ASIC2: variants seen among roughly 807,000 people sequenced by gnomAD.
ASIC2 encodes the protein acid sensing ion channel subunit 2, also known as acid-sensing ion channel 2.
Under a neutral mutation model 57.3 loss-of-function variants are expected in ASIC2, and 25 were observed. The observed-to-expected ratio is 0.44, with a 90% confidence interval of 0.32 to 0.61. The LOEUF (loss-of-function observed/expected upper bound fraction) is 0.61. Among genes scored for constraint, ASIC2 ranks in the 20% least tolerant of loss-of-function variants. ASIC2 has a pLI of 0.06. For synonymous variants in ASIC2, 319 were observed against 307.5 expected (o/e 1.04, Z -0.39); for missense variants, 641 against 738.1 (o/e 0.87, Z 1.52).
chr17:34,057,239 C>T (rs924135791), intron 1 of ASIC2, among the ~76,000 whole-genome samples: 4 of 152,136 alleles, frequency 2.6e-5, no homozygotes, highest in Non-Finnish European at 5.9e-5. Flanking sequence ...TTAAATATTC[C>T]AAAGACAAGT....
intron 1 of ASIC2, among the ~76,000 whole-genome samples, chr17:33,639,974 C>CTGTAACAGG (rs1906504096): frequency 6.6e-6 from 1 of 152,096 alleles, no homozygotes; most frequent in Non-Finnish European, 1.5e-5. Flanking sequence ...AAGGAAGTGA[C>CTGTAACAGG]TGTAACAGGG....
chr17:33,508,643 T>C (rs772424846), intron 1 of ASIC2, among the ~76,000 whole-genome samples: 40 of 152,120 alleles, frequency 2.6e-4, no homozygotes, highest in Non-Finnish European at 4.3e-4. Context: ...TCAGGTGGGG[T>C]ACACAGCACA....
At position 33,040,049 on chromosome 17, in the gene ASIC2, A is replaced by T. The variant is rs570512257; in HGVS notation, c.988-11657T>A. Among the ~76,000 whole-genome samples the T allele has an allele frequency of 3.3e-5, 5 of 152,338 alleles. No individual in the cohort carries two copies. In the East Asian group the frequency reaches 9.6e-4, roughly 29 times the overall value. On this transcript the variant is annotated intron_variant, in intron 3 of 9. Transcript: ENST00000225823. ...AGGAATTCCGAGGCTAGATGTTAAG[A>T]TATTTTTCTGCCTTGTTGTGTAACA... is the stretch of plus-strand genomic sequence containing the variant.
chr17:33,347,867 C>T (rs372388882), intron 1 of ASIC2, among the ~76,000 whole-genome samples: 9 of 152,170 alleles, frequency 5.9e-5, no homozygotes, highest in East Asian at 3.9e-4. Context: ...TTTGGGAGGC[C>T]GAGATGGGTG....
At chr17:34,113,655 A>C (rs1340089173) in intron 1 of ASIC2, among the ~76,000 whole-genome samples, 1 of 151,816 alleles carries the variant, frequency 6.6e-6, no homozygotes, top group Non-Finnish European at 1.5e-5. Context: ...AGGCAGGAGG[A>C]TCGCTTGAGC....
At chr17:33,298,272 C>G (rs151243296), upstream of ASIC2, among the ~76,000 whole-genome samples, 2 of 152,150 alleles carry the variant, frequency 1.3e-5, no homozygotes, top group East Asian at 3.9e-4. Flanking sequence ...CCACTTCCCC[C>G]ACCCCACGAC....
intron 1 of ASIC2, among the ~76,000 whole-genome samples, chr17:33,132,260 A>G (rs2092349276): frequency 6.6e-6 from 1 of 152,210 alleles, no homozygotes; most frequent in Non-Finnish European, 1.5e-5. Context: ...CTGTCTTTGA[A>G]TGATGGTTCT....
intron 1 of ASIC2, among the ~76,000 whole-genome samples, chr17:33,134,545 G>A (rs1382670169): frequency 6.6e-6 from 1 of 152,232 alleles, no homozygotes; most frequent in African/African-American, 2.4e-5. Context: ...CTCAGAGCCT[G>A]TTCTTACTTT....
intron 3 of ASIC2, among the ~76,000 whole-genome samples, chr17:33,031,852 T>C (rs2091885020): frequency 6.6e-6 from 1 of 152,210 alleles, no homozygotes; most frequent in Non-Finnish European, 1.5e-5. Context: ...TGAATAATCA[T>C]CTCATACAAT....
intron 1 of ASIC2, among the ~76,000 whole-genome samples, chr17:33,889,230 A>AC (rs1004299204): frequency 1.1e-4 from 17 of 151,934 alleles, no homozygotes; most frequent in Admixed American, 4.6e-4. Context: ...ATCTGGTTCA[A>AC]CCCCCCCTCG....
At chr17:34,031,263 G>A (rs1048473934) in intron 1 of ASIC2, among the ~76,000 whole-genome samples, 2 of 152,202 alleles carry the variant, frequency 1.3e-5, no homozygotes, top group Non-Finnish European at 2.9e-5. Context: ...GTCTGGAGTG[G>A]ACCTCTAGCA....
At chr17:34,040,102 C>T (rs1164334959) in intron 1 of ASIC2, among the ~76,000 whole-genome samples, 1 of 129,908 alleles carries the variant, frequency 7.7e-6, no homozygotes, top group African/African-American at 3.4e-5. Flanking sequence ...GGCTCGCGTA[C>T]AGAGCCAGGC....
intron 1 of ASIC2, among the ~76,000 whole-genome samples, chr17:33,785,936 A>T (rs1397793177): frequency 6.6e-6 from 1 of 152,226 alleles, no homozygotes; most frequent in African/African-American, 2.4e-5. Context: ...GCTGCTTCAG[A>T]GACCAGCACA....
At chr17:34,131,121 G>T (rs1911942913) in intron 1 of ASIC2, among the ~76,000 whole-genome samples, 1 of 152,194 alleles carries the variant, frequency 6.6e-6, no homozygotes, top group African/African-American at 2.4e-5. Flanking sequence ...AAAGCCTTCG[G>T]GAAAGAGTGA....
At chr17:33,804,679 A>G (rs1249367788) in intron 1 of ASIC2, among the ~76,000 whole-genome samples, 1 of 152,184 alleles carries the variant, frequency 6.6e-6, no homozygotes, top group Non-Finnish European at 1.5e-5. Context: ...AGCTCTGGGC[A>G]TCACAGAAGC....
At position 33,326,502 on chromosome 17, in the gene ASIC2, A is replaced by G. The variant is rs560678226; in HGVS notation, c.556-214435T>C. Among the ~76,000 whole-genome samples the G allele has an allele frequency of 2.0e-5, 3 of 152,326 alleles. No homozygotes were observed. In the South Asian group the frequency reaches 6.2e-4, roughly 32 times the overall value. On this transcript the variant is annotated intron_variant, in intron 1 of 9. Coordinates refer to the ASIC2 transcript ENST00000359872. The stretch of plus-strand genomic sequence containing the variant: ...AATGGAGAAAATAATATCTGCCTCC[A>G]TGGTTTGTCATGAGAATTCAGTGAA...
chr17:33,693,414 G>T (rs886066818), intron 1 of ASIC2, among the ~76,000 whole-genome samples: 3 of 152,184 alleles, frequency 2.0e-5, no homozygotes, highest in African/African-American at 7.2e-5. Flanking sequence ...GCCTGTTGAT[G>T]TCACACCTCT....
rs1385945544 is a variant in ASIC2, at chr17:33,292,309, C to T, written c.-194G>A. On this transcript the variant is annotated 5_prime_UTR_variant, in exon 1 of 10. Transcript: ENST00000225823. ...CGCCGCTGCCGCCTCCGCGGGCGCC[C>T]GCCCGGGGCTGAGCGCCGCCTCAGC... 1.0e-6 allele frequency: 1 copy of T among 986,638 alleles called. No homozygotes were observed. The highest frequency in any genetic ancestry group is 1.8e-5 in the African/African-American group (1 of 57,056). 61.1% of individuals were successfully genotyped at this position (986,638 alleles called of 1,614,324 possible).
At chr17:33,096,467 C>G (rs1210522124) in intron 2 of ASIC2, among the ~76,000 whole-genome samples, 1 of 152,222 alleles carries the variant, frequency 6.6e-6, no homozygotes, top group East Asian at 1.9e-4. Context: ...CTGCTTCTGG[C>G]TGCTAAATGG....
Sources: allele counts gnomAD v4.1 joint callset (sites outside exome capture counted in the v4.1 genomes callset), GRCh38; gene constraint gnomAD v4.1.1; transcripts MANE v1.5; gene names NCBI Gene and HGNC (gene_info 2026-07-23, HGNC 2026-07-21).